Variants in WDR59 observed in about 807,000 individuals in gnomAD.
The protein encoded by WDR59 is GATOR2 complex protein WDR59.
In WDR59, 100 loss-of-function variants were observed where a neutral mutation model predicts 131.2. That is an observed-to-expected ratio of 0.76 (90% CI 0.65 to 0.90). The LOEUF (loss-of-function observed/expected upper bound fraction) is 0.90, where lower values mean the gene tolerates loss of function less well. WDR59 is among the 40% of genes least tolerant of loss of function. The probability of loss-of-function intolerance (pLI) is 0.00; values close to 1 mark genes in which losing one functional copy is unlikely to be tolerated. For missense variants in WDR59, 1,203 were observed against 1,262.2 expected (o/e 0.95, Z 0.71); for synonymous variants, 601 against 466.2 (o/e 1.29, Z -3.72).
intron 1 of WDR59, among the ~76,000 whole-genome samples, chr16:74,979,393 G>A (rs1050733812): frequency 7.9e-5 from 12 of 151,722 alleles, no homozygotes; most frequent in African/African-American, 1.2e-4. Context: ...ATGAACCCGG[G>A]AGGCGGAGCT....
Position 74,964,685 on chromosome 16 carries a change from ATACAGTGGAT to A in WDR59, c.104+1078_104+1087del, listed in dbSNP as rs569124101. Among the ~76,000 whole-genome samples the A allele has an allele frequency of 4.2e-3, 641 of 152,306 alleles. 2 individuals carry two copies. The highest frequency in any genetic ancestry group is 0.015 in the African/African-American group (607 of 41,576). On this transcript the variant is annotated intron_variant, in intron 2 of 25. Coordinates refer to ENST00000262144, the MANE Select transcript of WDR59 (RefSeq NM_030581.4). Reference sequence around the variant, plus strand: ...TTCATAAACAACTACATTAATGAAAATACAGTGGATCCTAGAGGTAAGGACTGTACTCGAG... The same window carrying A: ...TTCATAAACAACTACATTAATGAAAACCTAGAGGTAAGGACTGTACTCGAG...
intron 25 of WDR59, among the ~76,000 whole-genome samples, chr16:74,884,948 C>T (rs527935194): frequency 6.6e-6 from 1 of 152,288 alleles, no homozygotes; most frequent in South Asian, 2.1e-4. Flanking sequence ...GTTCTCCCTG[C>T]CCCCACATCG....
In WDR59 at chr16:74,892,501, T is replaced by C. The variant is rs774871899; in HGVS notation, c.2065A>G (p.Arg689Gly). 7 of 1,613,750 alleles carry C rather than the reference T, an allele frequency of 4.3e-6. No individual in the cohort carries two copies. Residue 689 changes from arginine (R) to glycine (G), a missense_variant, in exon 20 of 26, where the codon AGA becomes GGA. By Grantham distance (125) the Arg-to-Gly change is moderately radical. Transcript: ENST00000262144. ...GACAATACCTGGACAAGATCCTTTC[T>C]TCCAACGAGCAAGGCAGAGGCGGCA... ...KNAASALLVG[R>G]KDLVQVWSLA...
chr16:74,905,671 G>A (rs1965772383), intron 17 of WDR59, among the ~76,000 whole-genome samples: 1 of 151,284 alleles, frequency 6.6e-6, no homozygotes, highest in Non-Finnish European at 1.5e-5. Flanking sequence ...AACAGAGCGA[G>A]ATTCTGACTC....
chr16:74,951,303 C>T (rs193272712), intron 4 of WDR59, among the ~76,000 whole-genome samples, 155 bp downstream of exon 4: 1 of 152,258 alleles, frequency 6.6e-6, no homozygotes, highest in African/African-American at 2.4e-5. Context: ...GTGCTCTTCA[C>T]CACCATCTCA....
intron 24 of WDR59, 157 bp downstream of exon 24, chr16:74,886,113 G>T: frequency 1.1e-6 from 1 of 943,678 alleles, no homozygotes; most frequent in Non-Finnish European, 1.5e-6. Flanking sequence ...GGGAAGCAGA[G>T]GTTGCAGAGA....
intron 8 of WDR59, among the ~76,000 whole-genome samples, chr16:74,926,726 C>T (rs551157523): frequency 3.9e-4 from 59 of 152,286 alleles, no homozygotes; most frequent in African/African-American, 1.3e-3. Flanking sequence ...AAAGAAGAGA[C>T]TTTCCAAAGG....
rs1356773316 is a variant in WDR59, at chr16:74,909,828, G to C, written c.1479C>G (p.Ser493=). 6.2e-7 allele frequency: 1 copy of C among 1,611,968 alleles called. No homozygotes were observed. ...CLRQLVSCLE[S]FVNQEDSASS... Reference sequence around the variant, plus strand: ...ACAGTTTCATGCTTCCCACCACAAAGGACTCAAGGCAGGAGACGAGCTGGC... The same window carrying C: ...ACAGTTTCATGCTTCCCACCACAAACGACTCAAGGCAGGAGACGAGCTGGC... Residue 493 remains serine (S), a synonymous_variant, in exon 15 of 26, where the codon TCC becomes TCG. Transcript: ENST00000262144.
At chr16:74,891,477 A>G (rs1380031156) in intron 20 of WDR59, among the ~76,000 whole-genome samples, 1 of 152,232 alleles carries the variant, frequency 6.6e-6, no homozygotes, top group Non-Finnish European at 1.5e-5. Context: ...CTGGGATGAG[A>G]TAAGATGTTT....
At chr16:74,925,912 G>C (rs1403901228) in intron 8 of WDR59, among the ~76,000 whole-genome samples, 2 of 151,526 alleles carry the variant, frequency 1.3e-5, no homozygotes, top group African/African-American at 4.9e-5. Context: ...TTGAGTCAAG[G>C]GGTTCAAGGT....
chr16:74,907,861 T>C (rs141766424), intron 17 of WDR59, among the ~76,000 whole-genome samples: 454 of 152,334 alleles, frequency 3.0e-3, no homozygotes, highest in African/African-American at 0.01. Context: ...GTAAGTGCTA[T>C]GATGATCCCC....
intron 17 of WDR59, among the ~76,000 whole-genome samples, chr16:74,906,556 G>A (rs1965831227): frequency 6.6e-6 from 1 of 152,022 alleles, no homozygotes; most frequent in Admixed American, 6.6e-5. Context: ...TAATATACAA[G>A]TCTTTTTATG....
intron 1 of WDR59, among the ~76,000 whole-genome samples, chr16:74,981,140 C>T (rs1198046709): frequency 6.6e-6 from 1 of 151,124 alleles, no homozygotes; most frequent in Non-Finnish European, 1.5e-5. Context: ...CTGAGGCGGG[C>T]GGATCACAAG....
At chr16:74,913,267 C>CTTT (rs567994050) in intron 13 of WDR59, among the ~76,000 whole-genome samples, 9 of 142,152 alleles carry the variant, frequency 6.3e-5, no homozygotes, top group African/African-American at 1.6e-4. Context: ...ACAAAGTATT[C>CTTT]TTTTTTTTTT....
intron 8 of WDR59, among the ~76,000 whole-genome samples, chr16:74,924,270 T>C (rs1352553414): frequency 6.6e-6 from 1 of 152,228 alleles, no homozygotes; most frequent in Non-Finnish European, 1.5e-5. Flanking sequence ...GATTACGAAA[T>C]GACCTTTAGA....
At chr16:74,883,924 C>T (rs1443674954) in intron 25 of WDR59, among the ~76,000 whole-genome samples, 1 of 152,162 alleles carries the variant, frequency 6.6e-6, no homozygotes, top group East Asian at 1.9e-4. Context: ...TTCTCCAGTC[C>T]GATATCTCAC....
rs934079076 is a variant in WDR59, at chr16:74,951,029, G to A, written c.326+429C>T. Among the ~76,000 whole-genome samples the A allele has an allele frequency of 1.3e-5, 2 of 151,566 alleles. 1 individual carries two copies. Among genetic ancestry groups the A allele is most frequent in the South Asian group, 4.2e-4 (2 of 4,784 alleles). Reference sequence around the variant, plus strand: ...AAAAAAATTAGCCGGGCGTGGTGGTGCACACCTATAATCCCAGCTATTCTG... The same window carrying A: ...AAAAAAATTAGCCGGGCGTGGTGGTACACACCTATAATCCCAGCTATTCTG... On this transcript the variant is annotated intron_variant, in intron 4 of 25. Coordinates refer to ENST00000262144, the MANE Select transcript of WDR59 (RefSeq NM_030581.4).
At position 74,916,220 on chromosome 16, in the gene WDR59, T is replaced by A. The variant is rs1160485904; in HGVS notation, c.1006A>T (p.Ile336Phe). The A allele has an allele frequency of 1.9e-6, 3 of 1,614,030 alleles. No individual in the cohort carries two copies. Among genetic ancestry groups the A allele is most frequent in the East Asian group, 2.2e-5 (1 of 44,894 alleles). The part of the protein sequence containing the change: ...NDILDGVDEF[I>F]ESISLLPEPE... ...TCCGGCAGAAGGGAAATACTCTCAA[T>A]GAACTCATCAACACCATCTAATATG... is the stretch of plus-strand genomic sequence containing the variant. Residue 336 changes from isoleucine to phenylalanine, a missense_variant, in exon 12 of 26, where the codon ATT becomes TTT. By Grantham distance (21) the Ile-to-Phe change is conservative. Transcript: ENST00000262144.
rs146638068 is a variant in WDR59, at chr16:74,923,969, T to C, written c.686A>G (p.Asn229Ser). ...WDYRQPRKYL[N>S]ILPCQVPVWK... ...GACAGGCACCTGGCAAGGAAGAATA[T>C]TGAGGTATTTCCGAGGCTGGCGGTA... The change falls in exon 9 of 26, where the codon AAT (asparagine) becomes AGT (serine). Residue 229 changes from asparagine to serine, a missense_variant. Asn to Ser is a conservative substitution (Grantham distance 46, BLOSUM62 1). Transcript: ENST00000262144. 1,877 of 1,613,752 alleles carry C rather than the reference T, an allele frequency of 1.2e-3. 6 individuals are homozygous for C. Among genetic ancestry groups the C allele is most frequent in the South Asian group, 2.9e-3 (259 of 90,782 alleles).
Sources: gnomAD v4.1 joint callset for allele counts (sites outside exome capture counted in the v4.1 genomes callset) on GRCh38, gnomAD v4.1.1 for gene constraint, MANE v1.5 for transcripts, NCBI Gene and HGNC (gene_info 2026-07-23, HGNC 2026-07-21) for gene names.